TAFA5: variants seen among roughly 807,000 people sequenced by gnomAD.
The protein encoded by TAFA5 is TAFA chemokine like family member 5, also known as chemokine-like protein TAFA-5.
In TAFA5, 6 loss-of-function variants were observed where a neutral mutation model predicts 15.3. That is an observed-to-expected ratio of 0.39 (90% CI 0.21 to 0.77). The LOEUF (loss-of-function observed/expected upper bound fraction) is 0.77. TAFA5 is among the 30% of genes least tolerant of loss of function. The probability of loss-of-function intolerance (pLI) is 0.41; values close to 1 mark genes in which losing one functional copy is unlikely to be tolerated. For missense variants in TAFA5, 161 were observed against 193.1 expected, an observed-to-expected ratio of 0.83 and a Z score of 0.98; for synonymous variants, 103 against 80.7, an observed-to-expected ratio of 1.28 and a Z score of -1.48.
intron 1 of TAFA5, among the ~76,000 whole-genome samples, chr22:48,536,349 C>A (rs1244459089): frequency 6.6e-6 from 1 of 152,234 alleles, no homozygotes; most frequent in Non-Finnish European, 1.5e-5. Flanking sequence ...AAGTGGATGT[C>A]CTTTGTCCGC....
chr22:48,542,532 G>A (rs1223334649), intron 1 of TAFA5, among the ~76,000 whole-genome samples: 1 of 129,308 alleles, frequency 7.7e-6, no homozygotes, highest in South Asian at 2.8e-4. Context: ...CATGTGTGGT[G>A]TGTGGTGTGT....
chr22:48,545,341 T>C (rs73423877), intron 1 of TAFA5: 6,459 of 232,964 alleles, frequency 0.028, 422 homozygotes, highest in African/African-American at 0.13. Flanking sequence ...ACAGCACTCA[T>C]AGGACACTGT....
At chr22:48,558,051 C>T (rs939351022) in intron 1 of TAFA5, among the ~76,000 whole-genome samples, 4 of 152,138 alleles carry the variant, frequency 2.6e-5, no homozygotes. Context: ...CCCCTGTCTC[C>T]TTTAGATTCT....
intron 2 of TAFA5, among the ~76,000 whole-genome samples, chr22:48,650,260 C>A (rs1927006404): frequency 1.3e-5 from 2 of 152,176 alleles, no homozygotes; most frequent in South Asian, 4.1e-4. Flanking sequence ...GCTCGGAATG[C>A]CGGAGCAAGC....
chr22:48,644,952 AGTCCG>A, intron 1 of TAFA5, among the ~76,000 whole-genome samples: 1 of 152,246 alleles, frequency 6.6e-6, no homozygotes, highest in Non-Finnish European at 1.5e-5. Flanking sequence ...GGGAGCCCTG[AGTCCG>A]TGCATCTCTG....
rs530072965 is a variant in TAFA5, at chr22:48,637,200, G to A, written c.113-9397G>A. ...CTGTGGGGGCCTCTTGAACAGGGCC[G>A]TGGCTCCTGGTGCGTGCCTGTGTGT... is the stretch of plus-strand genomic sequence containing the variant. On this transcript the variant is annotated intron_variant, in intron 1 of 3. Coordinates refer to ENST00000402357, the MANE Select transcript of TAFA5 (RefSeq NM_001082967.3). Among the ~76,000 whole-genome samples, 40 of 152,310 alleles carry A rather than the reference G, an allele frequency of 2.6e-4. No homozygotes were observed. The East Asian group carries it at 7.4e-3, about 28-fold the overall frequency.
chr22:48,701,875 G>T (rs1159391980), intron 2 of TAFA5, among the ~76,000 whole-genome samples: 3 of 152,224 alleles, frequency 2.0e-5, no homozygotes, highest in African/African-American at 7.2e-5. Flanking sequence ...GGAGCCCAAG[G>T]TTTTTATGCT....
At chr22:48,729,146 G>A (rs531685351) in intron 3 of TAFA5, among the ~76,000 whole-genome samples, 10 of 151,238 alleles carry the variant, frequency 6.6e-5, no homozygotes, top group East Asian at 5.8e-4. Context: ...TAATAGGCAC[G>A]CTGCTTAAAA....
chr22:48,593,422 G>T (rs918928897), intron 1 of TAFA5, among the ~76,000 whole-genome samples: 2 of 152,116 alleles, frequency 1.3e-5, no homozygotes, highest in Non-Finnish European at 2.9e-5. Flanking sequence ...TTCAGGCAGG[G>T]AGACTGCTGT....
intron 2 of TAFA5, among the ~76,000 whole-genome samples, chr22:48,699,152 C>G (rs566819926): frequency 6.6e-6 from 1 of 151,968 alleles, no homozygotes. Flanking sequence ...AGGCTGGTCT[C>G]GAACTCCTGA....
At chr22:48,726,863 T>G (rs1222283826) in intron 3 of TAFA5, among the ~76,000 whole-genome samples, 1 of 152,172 alleles carries the variant, frequency 6.6e-6, no homozygotes, top group Non-Finnish European at 1.5e-5. Flanking sequence ...CTCAATCCCC[T>G]GTGTAGGCCA....
chr22:48,600,558 G>A (rs953107141), intron 1 of TAFA5, among the ~76,000 whole-genome samples: 15 of 67,098 alleles, frequency 2.2e-4, no homozygotes, highest in African/African-American at 9.0e-4. Context: ...GTGTCTGTAC[G>A]TGTGATTTCG....
intron 3 of TAFA5, among the ~76,000 whole-genome samples, chr22:48,708,196 C>T (rs1929142196): frequency 1.3e-5 from 2 of 152,182 alleles, no homozygotes; most frequent in African/African-American, 2.4e-5. Context: ...CTGGAGGAGG[C>T]ATCCGCCCCT....
chr22:48,507,057 A>C (rs991823268), intron 1 of TAFA5, among the ~76,000 whole-genome samples: 6 of 152,096 alleles, frequency 3.9e-5, no homozygotes, highest in African/African-American at 1.4e-4. Context: ...CCAGGTGTGC[A>C]GTTGGAGAAG....
At chr22:48,650,859 G>A (rs928962638) in intron 2 of TAFA5, among the ~76,000 whole-genome samples, 3 of 152,254 alleles carry the variant, frequency 2.0e-5, no homozygotes, top group Admixed American at 1.3e-4. Context: ...ATGCCCTGGC[G>A]GGCTGGCCAG....
intron 1 of TAFA5, among the ~76,000 whole-genome samples, chr22:48,542,370 GGTGTGTGGTGT>G (rs1922440723): frequency 2.5e-5 from 3 of 121,178 alleles, no homozygotes; most frequent in Non-Finnish European, 5.1e-5. Context: ...TGTGTGTGCG[GGTGTGTGGTGT>G]GTGTGTGTGG....
At chr22:48,629,026 C>T (rs949369912) in intron 1 of TAFA5, among the ~76,000 whole-genome samples, 4 of 152,166 alleles carry the variant, frequency 2.6e-5, no homozygotes, top group Non-Finnish European at 4.4e-5. Flanking sequence ...CCACAGCACA[C>T]TCGCAGCTGC....
chr22:48,702,807 C>T (rs1049718170), intron 2 of TAFA5, among the ~76,000 whole-genome samples: 1 of 152,242 alleles, frequency 6.6e-6, no homozygotes, highest in Non-Finnish European at 1.5e-5. Context: ...GCCCCTTTGT[C>T]CCCGGGACAT....
At chr22:48,532,351 C>T (rs769461630) in intron 1 of TAFA5, among the ~76,000 whole-genome samples, 3 of 152,200 alleles carry the variant, frequency 2.0e-5, no homozygotes, top group Admixed American at 6.5e-5. Flanking sequence ...CCTGACAGCT[C>T]GGATCTTTCC....
Sources: gnomAD v4.1 joint callset for allele counts (sites outside exome capture counted in the v4.1 genomes callset) on GRCh38, gnomAD v4.1.1 for gene constraint, MANE v1.5 for transcripts, NCBI Gene and HGNC (gene_info 2026-07-23, HGNC 2026-07-21) for gene names.